GUCY1A2: variants seen among roughly 807,000 people sequenced by gnomAD.
GUCY1A2 encodes guanylate cyclase soluble subunit alpha-2.
A neutral mutation model predicts 63.5 loss-of-function variants in GUCY1A2; 27 were observed. That is an observed-to-expected ratio of 0.43 (90% confidence interval 0.31 to 0.59). The LOEUF is 0.59. Among genes scored for constraint, GUCY1A2 ranks in the 20% least tolerant of loss-of-function variants. GUCY1A2 has a pLI of 0.11. For missense variants in GUCY1A2, 768 were observed against 913.3 expected (o/e 0.84, Z 2.05); for synonymous variants, 364 against 343.5 (o/e 1.06, Z -0.66).
intron 4 of GUCY1A2, among the ~76,000 whole-genome samples, chr11:106,915,093 A>G (rs1360684181): frequency 1.3e-5 from 2 of 152,204 alleles, no homozygotes; most frequent in Non-Finnish European, 2.9e-5. Flanking sequence ...CCTGCAGGAA[A>G]TGTTTAAAAA....
At chr11:107,009,184 G>A (rs538977624) in intron 1 of GUCY1A2, among the ~76,000 whole-genome samples, 53 of 152,312 alleles carry the variant, frequency 3.5e-4, no homozygotes, top group African/African-American at 1.2e-3. Flanking sequence ...AGATTAGGAA[G>A]CATTAATGTT....
intron 2 of GUCY1A2, among the ~76,000 whole-genome samples, chr11:106,979,952 G>A: frequency 6.6e-6 from 1 of 152,146 alleles, no homozygotes; most frequent in East Asian, 1.9e-4. Flanking sequence ...TAGAAAAGGA[G>A]AAAAGGGGAG....
intron 3 of GUCY1A2, among the ~76,000 whole-genome samples, chr11:106,954,946 T>C (rs1410730541): frequency 1.3e-5 from 2 of 152,020 alleles, no homozygotes; most frequent in African/African-American, 4.8e-5. Flanking sequence ...AGATGGGTCT[T>C]GACTCCTTAT....
chr11:106,840,560 G>A (rs1290782305), intron 4 of GUCY1A2, among the ~76,000 whole-genome samples: 3 of 151,920 alleles, frequency 2.0e-5, no homozygotes, highest in African/African-American at 7.2e-5. Flanking sequence ...TTGAAAGTAA[G>A]TGCTATTGCT....
chr11:106,704,737 CATTT>C (rs1163260594), intron 7 of GUCY1A2, among the ~76,000 whole-genome samples: 3 of 152,032 alleles, frequency 2.0e-5, no homozygotes, highest in East Asian at 3.8e-4. Context: ...TGAGATAAAT[CATTT>C]ATTTCAAAAT....
intron 4 of GUCY1A2, among the ~76,000 whole-genome samples, chr11:106,878,806 A>G (rs1271502813): frequency 6.6e-6 from 1 of 151,268 alleles, no homozygotes. Flanking sequence ...AAAAAGAAGA[A>G]GTTGGAAAGG....
chr11:106,718,282 C>T (rs79328679), intron 6 of GUCY1A2, among the ~76,000 whole-genome samples: 4,114 of 139,368 alleles, frequency 0.03, 199 homozygotes, highest in African/African-American at 0.1. Context: ...AAATAAAACA[C>T]GGTAAAATTT....
At chr11:107,007,989 A>G (rs1457713470) in intron 1 of GUCY1A2, among the ~76,000 whole-genome samples, 7 of 149,844 alleles carry the variant, frequency 4.7e-5, no homozygotes, top group African/African-American at 1.2e-4. Context: ...TTTTAAGATA[A>G]TCATACTATC....
intron 7 of GUCY1A2, among the ~76,000 whole-genome samples, chr11:106,703,804 G>A (rs938581028): frequency 3.3e-5 from 5 of 151,364 alleles, no homozygotes; most frequent in Non-Finnish European, 5.9e-5. Context: ...CTATATATAC[G>A]ATTACATACA....
At chr11:106,702,908 T>C (rs902630993) in intron 7 of GUCY1A2, among the ~76,000 whole-genome samples, 2 of 152,140 alleles carry the variant, frequency 1.3e-5, no homozygotes, top group Admixed American at 1.3e-4. Context: ...CTTGATTGAA[T>C]TGAAGGATGC....
At position 106,680,828 on chromosome 11, in the gene GUCY1A2, AG is replaced by A. The variant is rs1008869714; in HGVS notation, c.*6720del. 1.1e-4 allele frequency: 23 copies of A among 206,824 alleles called. No homozygotes were observed. 12.8% of individuals were successfully genotyped at this position (206,824 alleles called of 1,614,324 possible). A position where few individuals can be genotyped will look rare whatever the true frequency, so the allele number is the denominator to read the frequency against. On this transcript the variant is annotated 3_prime_UTR_variant, in exon 8 of 8. Coordinates refer to ENST00000526355, the MANE Select transcript of GUCY1A2 (RefSeq NM_000855.3). ...TTCAAATGGGTTCATATTCATGTTT[AG>A]GGGATTGTTTACCTTGCAGGGCAAT...
intron 3 of GUCY1A2, among the ~76,000 whole-genome samples, chr11:106,958,038 AG>A (rs1463641693): frequency 2.0e-5 from 3 of 152,134 alleles, no homozygotes; most frequent in Admixed American, 2.0e-4. Flanking sequence ...TAAGAGTGAC[AG>A]AAATTAGTAT....
intron 6 of GUCY1A2, among the ~76,000 whole-genome samples, chr11:106,750,515 T>G (rs1863864556): frequency 6.6e-6 from 1 of 152,102 alleles, no homozygotes; most frequent in Admixed American, 6.6e-5. Flanking sequence ...CATGAGCTAT[T>G]ACAAAGCTAA....
At chr11:106,985,486 TC>T in intron 2 of GUCY1A2, among the ~76,000 whole-genome samples, 1 of 152,344 alleles carries the variant, frequency 6.6e-6, no homozygotes, top group Middle Eastern at 3.4e-3. Flanking sequence ...ATTATTATCA[TC>T]ACAGTTTAAA....
At chr11:106,689,329 A>G (rs1159594000) in intron 7 of GUCY1A2, among the ~76,000 whole-genome samples, 2 of 152,248 alleles carry the variant, frequency 1.3e-5, no homozygotes, top group Non-Finnish European at 2.9e-5. Context: ...TGGCAGTTAA[A>G]AAAAACCACA....
At chr11:106,825,866 G>C (rs1858962525) in intron 4 of GUCY1A2, among the ~76,000 whole-genome samples, 1 of 152,230 alleles carries the variant, frequency 6.6e-6, no homozygotes, top group Admixed American at 6.5e-5. Context: ...GTGGGCTAGA[G>C]TTGGACAAGC....
chr11:106,927,661 T>C (rs1860545816), intron 4 of GUCY1A2, among the ~76,000 whole-genome samples: 2 of 151,544 alleles, frequency 1.3e-5, no homozygotes, highest in Non-Finnish European at 1.5e-5. Flanking sequence ...ACCTTCCGGG[T>C]TCACGCCATT....
intron 4 of GUCY1A2, among the ~76,000 whole-genome samples, chr11:106,864,808 T>C (rs1859568270): frequency 6.6e-6 from 1 of 152,100 alleles, no homozygotes; most frequent in Non-Finnish European, 1.5e-5. Flanking sequence ...TGCTGCTGGA[T>C]TCGGTTTGCC....
At chr11:107,011,767 C>A (rs1469145605) in intron 1 of GUCY1A2, among the ~76,000 whole-genome samples, 3 of 148,854 alleles carry the variant, frequency 2.0e-5, no homozygotes, top group African/African-American at 4.9e-5. Flanking sequence ...AGGAGCAAGA[C>A]CCTATTTCAA....
Sources: gnomAD v4.1 joint callset for allele counts (sites outside exome capture counted in the v4.1 genomes callset) on GRCh38, gnomAD v4.1.1 for gene constraint, MANE v1.5 for transcripts, NCBI Gene and HGNC (gene_info 2026-07-23, HGNC 2026-07-21) for gene names.